FOXN3: variants seen among roughly 807,000 people sequenced by gnomAD.
FOXN3 encodes forkhead box N3.
FOXN3 carries 7 observed loss-of-function variants against 38.4 expected under a neutral mutation model. The ratio of observed to expected loss-of-function variants is 0.18; its 90% CI spans 0.10 to 0.34. The LOEUF is 0.34. FOXN3 is among the 10% of genes least tolerant of loss of function. FOXN3 has a pLI of 1.00. For synonymous variants in FOXN3, 230 were observed against 242.2 expected (o/e 0.95, Z 0.47); for missense variants, 456 against 613.4 (o/e 0.74, Z 2.71).
At chr14:89,328,415 C>T (rs1888137973) in intron 3 of FOXN3, among the ~76,000 whole-genome samples, 1 of 152,106 alleles carries the variant, frequency 6.6e-6, no homozygotes, top group Non-Finnish European at 1.5e-5. Flanking sequence ...ACATTCCCAA[C>T]AGCAGCCCTG....
rs1892737436 is a variant in FOXN3 at position 89,456,833 on chromosome 14, G to T, written c.-14-44343C>A. Among the ~76,000 whole-genome samples the T allele has an allele frequency of 6.6e-5, 10 of 152,300 alleles. No homozygotes were observed. In the South Asian group the frequency reaches 2.1e-3, roughly 32 times the overall value. ...GAGCTGAGAAGCCAGTCAGAGATGG[G>T]TTAATTATAGGCTGTGTGGCCCTGG... is the stretch of plus-strand genomic sequence containing the variant. On this transcript the variant is annotated intron_variant, in intron 1 of 6. Transcript: ENST00000345097.
chr14:89,329,516 G>A (rs1222041022), intron 3 of FOXN3, among the ~76,000 whole-genome samples: 1 of 152,072 alleles, frequency 6.6e-6, no homozygotes, highest in Non-Finnish European at 1.5e-5. Flanking sequence ...GGCCAAGGAT[G>A]TTTCCAGACA....
intron 1 of FOXN3, among the ~76,000 whole-genome samples, chr14:89,521,652 T>G (rs766122555): frequency 1.3e-5 from 2 of 152,028 alleles, no homozygotes; most frequent in Non-Finnish European, 2.9e-5. Context: ...ATTTTCATGT[T>G]TAAGAAACTC....
intron 2 of FOXN3, among the ~76,000 whole-genome samples, chr14:89,369,558 TTTA>T (rs1230769205): frequency 2.6e-5 from 4 of 151,490 alleles, no homozygotes; most frequent in Admixed American, 6.6e-5. Flanking sequence ...TTTTTTTTTT[TTTA>T]AAAAAGAGGT....
chr14:89,209,032 A>G (rs1018566388), intron 4 of FOXN3, among the ~76,000 whole-genome samples: 1 of 152,252 alleles, frequency 6.6e-6, no homozygotes, highest in Non-Finnish European at 1.5e-5. Context: ...CTAAAATAAA[A>G]TGAGGTACTC....
At chr14:89,553,953 G>GA (rs890259425) in intron 1 of FOXN3, among the ~76,000 whole-genome samples, 1 of 151,378 alleles carries the variant, frequency 6.6e-6, no homozygotes, top group Non-Finnish European at 1.5e-5. Context: ...AGGGTAGAAA[G>GA]AAAAAAAAGA....
chr14:89,433,483 A>G (rs1892208659), intron 1 of FOXN3, among the ~76,000 whole-genome samples: 2 of 151,896 alleles, frequency 1.3e-5, no homozygotes, highest in East Asian at 3.9e-4. Context: ...CTCCATCTCA[A>G]ACAAACAAAC....
rs143275290 is a variant in FOXN3, at chr14:89,300,495, G to A, written c.681-19481C>T. On this transcript the variant is annotated intron_variant, in intron 3 of 5. Coordinates refer to ENST00000557258, the MANE Select transcript of FOXN3 (RefSeq NM_005197.4). ...CTGTGCCCAGCCAAGAAATGTATAT[G>A]TTTTAATCCAAGTTTTTGACAGTCT... 3.1e-3 allele frequency among the ~76,000 whole-genome samples: 465 copies of A among 152,166 alleles called. 4 individuals are homozygous for A. Among genetic ancestry groups the A allele is most frequent in the African/African-American group, 0.01 (427 of 41,526 alleles).
chr14:89,577,843 G>A (rs564141429), intron 1 of FOXN3, among the ~76,000 whole-genome samples: 4 of 152,204 alleles, frequency 2.6e-5, no homozygotes, highest in South Asian at 2.1e-4. Context: ...CAATCACAAC[G>A]GTGATTAATA....
At chr14:89,496,370 G>GGTT (rs10681363) in intron 1 of FOXN3, among the ~76,000 whole-genome samples, 1 of 151,558 alleles carries the variant, frequency 6.6e-6, no homozygotes, top group African/African-American at 2.4e-5. Context: ...CAAGGCTTTA[G>GGTT]GAGTGCAGCA....
At chr14:89,358,213 G>A (rs1027760023) in intron 2 of FOXN3, among the ~76,000 whole-genome samples, 2 of 152,202 alleles carry the variant, frequency 1.3e-5, no homozygotes, top group Non-Finnish European at 2.9e-5. Context: ...CTGGGCTTCA[G>A]TAAGACCTTA....
chr14:89,234,091 G>C (rs1303917234), intron 4 of FOXN3, among the ~76,000 whole-genome samples: 1 of 152,126 alleles, frequency 6.6e-6, no homozygotes, highest in East Asian at 1.9e-4. Flanking sequence ...CCACTTAATA[G>C]CCATTGGTTG....
chr14:89,306,232 G>A (rs371487139), intron 3 of FOXN3, among the ~76,000 whole-genome samples: 2 of 152,186 alleles, frequency 1.3e-5, no homozygotes, highest in East Asian at 1.9e-4. Context: ...TCCAACAACC[G>A]GAGTTCTAAT....
chr14:89,338,780 G>A (rs1888536360), intron 3 of FOXN3, among the ~76,000 whole-genome samples: 4 of 152,090 alleles, frequency 2.6e-5, no homozygotes, highest in Admixed American at 2.6e-4. Flanking sequence ...CTTCACTCCA[G>A]CCTGGGTGAA....
intron 1 of FOXN3, among the ~76,000 whole-genome samples, chr14:89,454,292 AGACTCCGTCT>A (rs1169141332): frequency 9.9e-5 from 15 of 152,194 alleles, no homozygotes; most frequent in African/African-American, 3.6e-4. Context: ...CAACAGAGTG[AGACTCCGTCT>A]CAAAAAAAAA....
chr14:89,313,498 C>T, intron 3 of FOXN3, among the ~76,000 whole-genome samples: 1 of 150,624 alleles, frequency 6.6e-6, no homozygotes, highest in East Asian at 1.9e-4. Context: ...GAGAAGGTTG[C>T]AGTGAGCCGA....
At chr14:89,605,777 C>T (rs1488265403) in intron 1 of FOXN3, among the ~76,000 whole-genome samples, 1 of 151,950 alleles carries the variant, frequency 6.6e-6, no homozygotes, top group Non-Finnish European at 1.5e-5. Flanking sequence ...AAGTTTTATA[C>T]TCTATTAAAC....
chr14:89,333,784 C>A (rs11159901), intron 3 of FOXN3, among the ~76,000 whole-genome samples: 134,810 of 135,524 alleles, frequency 0.99, 67,050 homozygotes, highest in Middle Eastern at 1. Context: ...AAACAGAACC[C>A]CCATAAGATC....
intron 1 of FOXN3, among the ~76,000 whole-genome samples, chr14:89,534,294 C>T (rs370131575): frequency 8.6e-5 from 13 of 151,554 alleles, no homozygotes; most frequent in African/African-American, 2.9e-4. Context: ...TTGGTAGAGA[C>T]GGGTTTCACC....
Sources: gnomAD v4.1 joint callset for allele counts (sites outside exome capture counted in the v4.1 genomes callset) on GRCh38, gnomAD v4.1.1 for gene constraint, MANE v1.5 for transcripts, NCBI Gene and HGNC (gene_info 2026-07-23, HGNC 2026-07-21) for gene names.